CHD2: variants seen among roughly 807,000 people sequenced by gnomAD.
CHD2 encodes ATP-dependent chromatin remodeler CHD2.
CHD2 carries 28 observed loss-of-function variants against 243.9 expected under a neutral mutation model. The ratio of observed to expected loss-of-function variants is 0.11; its 90% CI spans 0.09 to 0.16. CHD2 has a LOEUF of 0.16. CHD2 is among the 10% of genes least tolerant of loss of function. The probability of loss-of-function intolerance (pLI) is 1.00; values close to 1 mark genes in which losing one functional copy is unlikely to be tolerated. For synonymous variants in CHD2, 775 were observed against 779.0 expected (o/e 0.99, Z 0.09); for missense variants, 1,386 against 2,209.8 (o/e 0.63, Z 7.47).
At chr15:93,014,573 T>TA (rs1166536156) in intron 36 of CHD2, 123 bp from the exon 37 acceptor site, 4 of 804,548 alleles carry the variant, frequency 5.0e-6, no homozygotes, top group African/African-American at 1.7e-5. Context: ...TAGGAGGTAG[T>TA]AAACGCCAGT....
chr15:92,916,699 G>A (rs544782151), intron 2 of CHD2, among the ~76,000 whole-genome samples: 17 of 152,074 alleles, frequency 1.1e-4, no homozygotes, highest in African/African-American at 3.1e-4. Flanking sequence ...GACTACAGGC[G>A]CGTGCCACCA....
intron 14 of CHD2, chr15:92,953,839 C>T (rs1343427053): frequency 4.9e-6 from 2 of 408,532 alleles, no homozygotes; most frequent in African/African-American, 4.0e-5. Context: ...CTTCTCTCTG[C>T]CCTTTTTACT....
intron 3 of CHD2, among the ~76,000 whole-genome samples, chr15:92,924,849 A>C (rs1370594569): frequency 6.6e-6 from 1 of 152,090 alleles, no homozygotes; most frequent in Non-Finnish European, 1.5e-5. Context: ...CCCAGCCTGG[A>C]GTGCGCAGTG....
chr15:92,996,848 A>C, intron 28 of CHD2, 109 bp from the exon 29 acceptor site: 2 of 1,058,046 alleles, frequency 1.9e-6, no homozygotes, highest in South Asian at 3.8e-5. Context: ...AATAACAATA[A>C]GCCAGAGATA....
intron 5 of CHD2, among the ~76,000 whole-genome samples, chr15:92,937,030 A>C (rs1290418395): frequency 6.6e-6 from 1 of 152,114 alleles, no homozygotes; most frequent in African/African-American, 2.4e-5. Flanking sequence ...CAATTTTAAA[A>C]TTTTAACTTT....
chr15:92,923,189 A>G (rs1050304730), intron 2 of CHD2, among the ~76,000 whole-genome samples: 10 of 152,216 alleles, frequency 6.6e-5, no homozygotes, highest in African/African-American at 2.2e-4. Context: ...ATTTGCTCCT[A>G]TTAGTGAGAA....
At chr15:92,972,495 G>A in intron 19 of CHD2, 78 bp downstream of exon 19, 3 of 1,250,680 alleles carry the variant, frequency 2.4e-6, no homozygotes, top group Non-Finnish European at 3.3e-6. Context: ...CCTACACTGG[G>A]TTGTATGCTT....
chr15:92,907,787 C>T (rs2052649610), intron 2 of CHD2, among the ~76,000 whole-genome samples: 1 of 152,052 alleles, frequency 6.6e-6, no homozygotes, highest in Non-Finnish European at 1.5e-5. Flanking sequence ...TTATTTTATT[C>T]TTACTGTTTG....
chr15:92,904,894 C>G (rs1386780854), intron 2 of CHD2: 1 of 1,535,174 alleles, frequency 6.5e-7, no homozygotes, highest in South Asian at 1.2e-5. Context: ...CGGGTGTTAA[C>G]AGCTGTTTAA....
intron 37 of CHD2, 62 bp downstream of exon 37, chr15:93,014,971 T>C (rs1188858509): frequency 1.5e-6 from 2 of 1,368,362 alleles, no homozygotes; most frequent in Non-Finnish European, 2.1e-6. Flanking sequence ...ACACAGCCGT[T>C]TCATTTTCCA....
At position 92,940,786 on chromosome 15, in the gene CHD2, A is replaced by T. The variant is rs1206743662; in HGVS notation, c.693-1036A>T. Among the ~76,000 whole-genome samples, 54 of 130,788 alleles carry T rather than the reference A, an allele frequency of 4.1e-4. No individual in the cohort carries two copies. The East Asian group carries it at 9.5e-3, about 23-fold the overall frequency. 85.8% of individuals were successfully genotyped at this position (130,788 alleles called of 152,430 possible). A position where few individuals can be genotyped will look rare whatever the true frequency, so the allele number is the denominator to read the frequency against. On this transcript the variant is annotated intron_variant, in intron 7 of 38. Coordinates refer to ENST00000394196, the MANE Select transcript of CHD2 (RefSeq NM_001271.4). ...AAAAATATATATAAAAAATATAAAA[A>T]ATATATAAATATATAAATAAATATA... is the stretch of plus-strand genomic sequence containing the variant.
At chr15:92,953,834 C>G (rs887027000) in intron 14 of CHD2, 1 of 423,842 alleles carries the variant, frequency 2.4e-6, no homozygotes, top group Non-Finnish European at 4.2e-6. Context: ...TTTTTCTTCT[C>G]TCTGCCCTTT....
chr15:92,904,169 C>A (rs963594804), intron 2 of CHD2, among the ~76,000 whole-genome samples: 1 of 152,242 alleles, frequency 6.6e-6, no homozygotes, highest in African/African-American at 2.4e-5. Flanking sequence ...CCCCTGGCAT[C>A]TTGATGCAGG....
intron 7 of CHD2, among the ~76,000 whole-genome samples, chr15:92,940,797 A>ATATAAATAAATATAAATATATATAAATAT (rs2053351682): frequency 7.0e-6 from 1 of 142,318 alleles, no homozygotes. Context: ...ATATATAAAT[A>ATATAAATAAATATAAATATATATAAATAT]TATAAATAAA....
Position 92,998,609 on chromosome 15 carries a change from A to T in CHD2, c.3996A>T (p.Thr1332=). The change falls in exon 31 of 39, where the codon ACA becomes ACT. Residue 1332 remains threonine (T), a synonymous_variant. Coordinates refer to ENST00000394196, the MANE Select transcript of CHD2 (RefSeq NM_001271.4). The surrounding 1 kb of genome is among the most constrained non-coding windows in gnomAD (Gnocchi z 5.1). ...GTCTGGAGAAGAAGGGGGCTGTGAC[A>T]GGTGGGGAAGAGGTGAGTACGCTGC... ...RKGLEKKGAV[T]GGEEAKLKKR... 6.2e-7 allele frequency: 1 copy of T among 1,612,570 alleles called. No homozygotes were observed. Among genetic ancestry groups the T allele is most frequent in the Non-Finnish European group, 8.5e-7 (1 of 1,179,832 alleles).
intron 2 of CHD2, among the ~76,000 whole-genome samples, chr15:92,911,440 G>T (rs532527394): frequency 6.6e-6 from 1 of 152,284 alleles, no homozygotes; most frequent in African/African-American, 2.4e-5. Flanking sequence ...TCAAATTAAT[G>T]GGTAAGAGGA....
At chr15:92,916,031 TTG>T (rs1336958852) in intron 2 of CHD2, among the ~76,000 whole-genome samples, 5 of 152,222 alleles carry the variant, frequency 3.3e-5, no homozygotes, top group African/African-American at 1.2e-4. Context: ...CACATGGAAC[TTG>T]TGTATTCAGT....
At chr15:92,942,815 C>G (rs1401759720) in intron 8 of CHD2, 28 bp from the exon 9 acceptor site, 3 of 1,553,252 alleles carry the variant, frequency 1.9e-6, no homozygotes, top group Non-Finnish European at 1.7e-6. Flanking sequence ...AATATACTCT[C>G]TTTCAAGTGT....
At position 92,955,526 on chromosome 15, in the gene CHD2, A is replaced by G; in HGVS notation, c.1809+14A>G. 1.3e-6 allele frequency: 2 copies of G among 1,540,198 alleles called. No individual in the cohort carries two copies. The highest frequency in any genetic ancestry group is 1.8e-6 in the Non-Finnish European group (2 of 1,129,816). On this transcript the variant is annotated intron_variant, in intron 15 of 38. Coordinates refer to ENST00000394196, the MANE Select transcript of CHD2 (RefSeq NM_001271.4). ...TTGAAAGATAAGGTGTGTAATTAAT[A>G]TCTAAAAGGCTAAATCTTTTCCAGT...
Sources: gnomAD v4.1 joint callset for allele counts (sites outside exome capture counted in the v4.1 genomes callset) on GRCh38, gnomAD v4.1.1 for gene constraint, Gnocchi (gnomAD v3.1) non-coding constraint, MANE v1.5 for transcripts, NCBI Gene and HGNC (gene_info 2026-07-23, HGNC 2026-07-21) for gene names.